The following FSTL5 variants were observed in gnomAD, a reference collection of about 807,000 sequenced individuals.
FSTL5 encodes the protein follistatin like 5.
In FSTL5, 62 loss-of-function variants were observed where a neutral mutation model predicts 89.1. The ratio of observed to expected loss-of-function variants is 0.70; its 90% CI spans 0.57 to 0.86. FSTL5 has a LOEUF of 0.86. Ranked by LOEUF, FSTL5 falls within the 40% of genes least tolerant of loss-of-function variation. The probability of loss-of-function intolerance (pLI) is 0.00; values close to 1 mark genes in which losing one functional copy is unlikely to be tolerated. For synonymous variants in FSTL5, 383 were observed against 346.2 expected (o/e 1.11, Z -1.18); for missense variants, 1,057 against 1,001.6 (o/e 1.06, Z -0.75).
At chr4:162,089,824 C>T (rs972173017) in intron 2 of FSTL5, among the ~76,000 whole-genome samples, 14 of 151,922 alleles carry the variant, frequency 9.2e-5, no homozygotes, top group African/African-American at 3.4e-4. Context: ...AAATTTGCTT[C>T]TTTATAAAAT....
intron 8 of FSTL5, among the ~76,000 whole-genome samples, chr4:161,578,596 A>G (rs964676032): frequency 6.6e-6 from 1 of 152,108 alleles, no homozygotes; most frequent in African/African-American, 2.4e-5. Context: ...TTAAAAATAT[A>G]TATCCCAAAG....
intron 2 of FSTL5, among the ~76,000 whole-genome samples, chr4:162,107,943 A>G (rs1731286073): frequency 6.6e-6 from 1 of 152,166 alleles, no homozygotes; most frequent in African/African-American, 2.4e-5. Flanking sequence ...CAGGATTATT[A>G]TATAAATTAC....
chr4:161,961,310 C>T (rs1364651432), intron 3 of FSTL5, among the ~76,000 whole-genome samples: 3 of 151,894 alleles, frequency 2.0e-5, no homozygotes, highest in Admixed American at 1.3e-4. Flanking sequence ...CGATGTCTCC[C>T]TAAGTTGCCC....
At chr4:161,729,061 C>A (rs1579052338) in intron 6 of FSTL5, among the ~76,000 whole-genome samples, 1 of 152,084 alleles carries the variant, frequency 6.6e-6, no homozygotes, top group African/African-American at 2.4e-5. Context: ...CCAACTCTTC[C>A]TGAGGCCAGC....
intron 10 of FSTL5, among the ~76,000 whole-genome samples, chr4:161,519,045 C>T (rs1023924194): frequency 6.6e-6 from 1 of 152,196 alleles, no homozygotes; most frequent in Admixed American, 6.5e-5. Context: ...CAATGGGTTT[C>T]TCCCAGAAAT....
rs1382433630 is a variant in FSTL5, at chr4:161,705,990, A to C, written c.728-49496T>G. ...TATATATATATATATATATATATAT[A>C]TATATACACACATCTACACACACAC... On this transcript the variant is annotated intron_variant, in intron 6 of 15. Coordinates refer to ENST00000306100, the MANE Select transcript of FSTL5 (RefSeq NM_020116.5). Among the ~76,000 whole-genome samples, 31 of 93,450 alleles carry C rather than the reference A, an allele frequency of 3.3e-4. 1 individual carries two copies. Among genetic ancestry groups the C allele is most frequent in the African/African-American group, 1.2e-3 (26 of 22,016 alleles). The allele number at this position is 93,450 out of a possible 152,430, so 61.3% of individuals were successfully genotyped here.
chr4:161,909,181 G>T (rs1733621420), intron 4 of FSTL5, among the ~76,000 whole-genome samples: 1 of 152,082 alleles, frequency 6.6e-6, no homozygotes, highest in Non-Finnish European at 1.5e-5. Context: ...GCTGGCTGGG[G>T]AGTCCATTTT....
chr4:161,545,444 A>G (rs1731970451), intron 8 of FSTL5, among the ~76,000 whole-genome samples: 1 of 2,112 alleles, frequency 4.7e-4, no homozygotes, highest in Admixed American at 8.8e-3. Context: ...GTATTTCTTT[A>G]AGATCTGGCG....
Position 161,741,698 on chromosome 4 carries a change from T to A in FSTL5, c.727+17713A>T, listed in dbSNP as rs72689137. On this transcript the variant is annotated intron_variant, in intron 6 of 15. Coordinates refer to ENST00000306100, the MANE Select transcript of FSTL5 (RefSeq NM_020116.5). ...GAAGTATGATTTTTTTTTTTTTTTT[T>A]TTTTTTGGAGGTGGAGTCTCACTCT... 7.6e-3 allele frequency among the ~76,000 whole-genome samples: 1,095 copies of A among 144,856 alleles called. 2 individuals are homozygous for A. The highest frequency in any genetic ancestry group is 0.014 in the Middle Eastern group (4 of 278).
At chr4:161,902,838 G>A (rs1733410543) in intron 4 of FSTL5, among the ~76,000 whole-genome samples, 1 of 152,144 alleles carries the variant, frequency 6.6e-6, no homozygotes, top group Non-Finnish European at 1.5e-5. Context: ...GACAGAGCAA[G>A]ACTCCATCTC....
intron 4 of FSTL5, among the ~76,000 whole-genome samples, chr4:161,898,501 T>TTTA (rs1206236165): frequency 3.3e-5 from 5 of 152,054 alleles, no homozygotes; most frequent in Admixed American, 1.3e-4. Flanking sequence ...GTATTGTCCA[T>TTTA]TTATTATTAT....
At chr4:161,511,762 A>G (rs183900409) in intron 10 of FSTL5, among the ~76,000 whole-genome samples, 1 of 152,214 alleles carries the variant, frequency 6.6e-6, no homozygotes, top group African/African-American at 2.4e-5. Context: ...ACAAATAAAT[A>G]CAAACATGTA....
intron 1 of FSTL5, among the ~76,000 whole-genome samples, chr4:162,127,659 G>A (rs562125927): frequency 6.6e-6 from 1 of 151,998 alleles, no homozygotes; most frequent in African/African-American, 2.4e-5. Context: ...CATGAGTTTT[G>A]TTACATGCAA....
intron 4 of FSTL5, among the ~76,000 whole-genome samples, chr4:161,823,858 T>C (rs916079252): frequency 6.6e-5 from 10 of 152,160 alleles, no homozygotes; most frequent in Admixed American, 6.5e-4. Context: ...TCTGATGGGA[T>C]TGTTTGTGTT....
chr4:161,889,926 C>A (rs1157892815), intron 4 of FSTL5, among the ~76,000 whole-genome samples: 2 of 152,130 alleles, frequency 1.3e-5, no homozygotes, highest in Non-Finnish European at 2.9e-5. Context: ...TGAGTTATTT[C>A]CATTTTAACT....
At position 161,847,751 on chromosome 4, in the gene FSTL5, A is replaced by T. The variant is rs747856091; in HGVS notation, c.410-71677T>A. On this transcript the variant is annotated intron_variant, in intron 4 of 15. Transcript: ENST00000306100. ...CACTCCCTAGTTTAAAAAATCCAAG[A>T]CACTGCCAGGTGCGGTGGCACACTC... 4.2e-4 allele frequency among the ~76,000 whole-genome samples: 64 copies of T among 151,954 alleles called. 1 individual carries two copies. The highest frequency in any genetic ancestry group is 1.2e-4 in the Non-Finnish European group (8 of 67,974).
chr4:161,927,634 ACT>A (rs910383873), intron 3 of FSTL5, among the ~76,000 whole-genome samples: 7 of 151,720 alleles, frequency 4.6e-5, no homozygotes, highest in African/African-American at 1.7e-4. Context: ...TTTACAATAT[ACT>A]TTTTTCCTTT....
intron 15 of FSTL5, among the ~76,000 whole-genome samples, chr4:161,390,501 T>C (rs1386927555): frequency 6.6e-6 from 1 of 152,148 alleles, no homozygotes; most frequent in Non-Finnish European, 1.5e-5. Context: ...ATTCTTGCAA[T>C]TGAGTAATGG....
At chr4:161,484,204 G>T (rs1729605576) in intron 12 of FSTL5, among the ~76,000 whole-genome samples, 1 of 151,896 alleles carries the variant, frequency 6.6e-6, no homozygotes, top group African/African-American at 2.4e-5. Flanking sequence ...AAAATACTTT[G>T]CCCTAAAATC....
Sources: gnomAD v4.1 joint callset for allele counts (sites outside exome capture counted in the v4.1 genomes callset) on GRCh38, gnomAD v4.1.1 for gene constraint, MANE v1.5 for transcripts, NCBI Gene and HGNC (gene_info 2026-07-23, HGNC 2026-07-21) for gene names.